DIAPH2: variants seen among roughly 807,000 people sequenced by gnomAD.
DIAPH2 encodes protein diaphanous homolog 2.
A neutral mutation model predicts 92.7 loss-of-function variants in DIAPH2; 35 were observed. The ratio of observed to expected loss-of-function variants is 0.38; its 90% CI spans 0.29 to 0.50. The LOEUF (loss-of-function observed/expected upper bound fraction) is 0.50. Ranked by LOEUF, DIAPH2 falls within the 20% of genes least tolerant of loss-of-function variation. The pLI is 0.94. For synonymous variants in DIAPH2, 301 were observed against 280.4 expected, an observed-to-expected ratio of 1.07 and a Z score of -0.73; for missense variants, 701 against 819.5, an observed-to-expected ratio of 0.86 and a Z score of 1.77.
chrX:97,024,142 T>C (rs183466467), intron 17 of DIAPH2, among the ~76,000 whole-genome samples: 7 of 112,486 alleles, frequency 6.2e-5, no homozygotes, highest in African/African-American at 2.3e-4. Flanking sequence ...ATATTGTTTC[T>C]TTAGATTATA....
intron 26 of DIAPH2, among the ~76,000 whole-genome samples, chrX:97,532,725 A>G (rs1216668797): frequency 8.9e-6 from 1 of 112,583 alleles, no homozygotes; most frequent in Admixed American, 9.4e-5. Flanking sequence ...TAATATGGAA[A>G]CAATCTTAAA....
chrX:97,322,179 C>T (rs747963696), intron 23 of DIAPH2, among the ~76,000 whole-genome samples: 1 of 111,724 alleles, frequency 9.0e-6, no homozygotes, highest in Non-Finnish European at 1.9e-5. Context: ...CTTTGCAGAC[C>T]CCTTTGAAGA....
At chrX:97,060,734 A>G (rs1334494257) in intron 17 of DIAPH2, among the ~76,000 whole-genome samples, 2 of 112,274 alleles carry the variant, frequency 1.8e-5, no homozygotes, top group African/African-American at 6.5e-5. Flanking sequence ...GACTAGTCTT[A>G]TGTTTTTGTT....
chrX:96,946,395 C>T (rs2065738557), intron 14 of DIAPH2, among the ~76,000 whole-genome samples: 1 of 111,724 alleles, frequency 9.0e-6, no homozygotes, highest in Admixed American at 9.5e-5. Flanking sequence ...AGTTTTCAGC[C>T]TTCTCTCAGC....
At chrX:97,584,467 A>T (rs1408570634) in intron 26 of DIAPH2, among the ~76,000 whole-genome samples, 1 of 112,532 alleles carries the variant, frequency 8.9e-6, no homozygotes, top group South Asian at 3.6e-4. Context: ...TGTTCACTTA[A>T]TGTGCCTACT....
At chrX:97,593,919 A>T (rs2071534095) in intron 26 of DIAPH2, among the ~76,000 whole-genome samples, 1 of 111,644 alleles carries the variant, frequency 9.0e-6, no homozygotes, top group South Asian at 3.7e-4. Context: ...CACTTTTTAT[A>T]TTAGCACATT....
At position 97,348,104 on chromosome X, in the gene DIAPH2, AC is replaced by A. The variant is rs2069175071; in HGVS notation, c.2845-11del. ...AGGTACTGTTGAGCCATGTTCCTTA[AC>A]AAAAAGCTACAGCTTTACAAAGACT... is the stretch of plus-strand genomic sequence containing the variant. On this transcript the variant is annotated splice_polypyrimidine_tract_variant and intron_variant, in intron 23 of 26. Transcript: ENST00000324765. 1 of 1,208,201 alleles carries A rather than the reference AC, an allele frequency of 8.3e-7. No homozygotes were observed. Among genetic ancestry groups the A allele is most frequent in the African/African-American group, 1.7e-5 (1 of 57,170 alleles).
intron 23 of DIAPH2, among the ~76,000 whole-genome samples, chrX:97,265,127 T>C (rs1302616234): frequency 8.9e-6 from 1 of 112,036 alleles, no homozygotes; most frequent in Non-Finnish European, 1.9e-5. Context: ...GAGTAAGAAT[T>C]TCAAAGCTAG....
intron 26 of DIAPH2, among the ~76,000 whole-genome samples, chrX:97,470,910 C>T (rs1569405899): frequency 1.8e-5 from 2 of 111,030 alleles, no homozygotes; most frequent in Non-Finnish European, 1.9e-5. Flanking sequence ...TAGAGAAGCC[C>T]GAATGACATA....
At chrX:97,300,634 A>C (rs1203830531) in intron 23 of DIAPH2, among the ~76,000 whole-genome samples, 155 of 92,228 alleles carry the variant, frequency 1.7e-3, no homozygotes, top group African/African-American at 5.8e-3. Flanking sequence ...AAAAAAAAAA[A>C]CAAGAAGAAT....
At chrX:96,903,123 C>T (rs1185213200) in intron 5 of DIAPH2, among the ~76,000 whole-genome samples, 1 of 60,862 alleles carries the variant, frequency 1.6e-5, no homozygotes, top group Admixed American at 2.2e-4. Flanking sequence ...CTCCTTACCC[C>T]TGTTACTGTG....
Position 97,559,351 on chromosome X carries a change from G to A in DIAPH2, c.3242-39902G>A, listed in dbSNP as rs770489515. Reference sequence around the variant, plus strand: ...CTAAAAACACAAAAATTAGCTGGGCGTGGTGGTGCGCGCCTGTAGACCCAG... The same window carrying A: ...CTAAAAACACAAAAATTAGCTGGGCATGGTGGTGCGCGCCTGTAGACCCAG... On this transcript the variant is annotated intron_variant, in intron 26 of 26. Coordinates refer to ENST00000324765, the MANE Select transcript of DIAPH2 (RefSeq NM_006729.5). 9.0e-5 allele frequency among the ~76,000 whole-genome samples: 10 copies of A among 110,601 alleles called. No individual in the cohort carries two copies. The South Asian group carries it at 2.4e-3, about 26-fold the overall frequency.
chrX:97,090,298 CTTTTTTTTTTTTTTTTT>C (rs760073834), intron 19 of DIAPH2, among the ~76,000 whole-genome samples: 72 of 38,868 alleles, frequency 1.9e-3, no homozygotes, highest in African/African-American at 6.1e-3. Flanking sequence ...TCTCTGATCC[CTTTTTTTTTTTTTTTTT>C]TTTTTTTTTT....
chrX:96,768,949 C>T (rs891019533), intron 4 of DIAPH2, among the ~76,000 whole-genome samples: 2 of 111,369 alleles, frequency 1.8e-5, no homozygotes, highest in East Asian at 2.8e-4. Flanking sequence ...GGGTTTGAGC[C>T]GTGGAACGAC....
At chrX:96,908,388 T>A (rs182519006) in intron 5 of DIAPH2, among the ~76,000 whole-genome samples, 1 of 110,866 alleles carries the variant, frequency 9.0e-6, no homozygotes, top group Non-Finnish European at 1.9e-5. Flanking sequence ...GTAAGGTCCA[T>A]GAGAAATGTC....
At chrX:96,869,038 G>T (rs1298596269) in intron 4 of DIAPH2, among the ~76,000 whole-genome samples, 2 of 111,885 alleles carry the variant, frequency 1.8e-5, no homozygotes. Flanking sequence ...GGATCATCTA[G>T]CTCAGTGGGT....
chrX:97,132,137 T>C (rs1403945433), intron 21 of DIAPH2, among the ~76,000 whole-genome samples: 1 of 112,221 alleles, frequency 8.9e-6, no homozygotes, highest in Non-Finnish European at 1.9e-5. Context: ...CTTTCACAGA[T>C]TGCTACCATA....
rs1002054346 is a variant in DIAPH2 at position 97,525,409 on chromosome X, C to T, written c.3242-73844C>T. ...TTAAAACTCAATTCGGCCCCATCAC[C>T]GGGGGGCTATGAATATACTTTCTCA... On this transcript the variant is annotated intron_variant, in intron 26 of 26. Coordinates refer to ENST00000324765, the MANE Select transcript of DIAPH2 (RefSeq NM_006729.5). Among the ~76,000 whole-genome samples the T allele has an allele frequency of 8.9e-5, 10 of 112,214 alleles. No homozygotes were observed. The East Asian group carries it at 1.1e-3, about 13-fold the overall frequency.
At chrX:97,281,605 G>T (rs1010835539) in intron 23 of DIAPH2, among the ~76,000 whole-genome samples, 1 of 109,844 alleles carries the variant, frequency 9.1e-6, no homozygotes, top group Non-Finnish European at 1.9e-5. Context: ...TTAGCCGGGC[G>T]TGGCAACGGC....
Sources: allele counts gnomAD v4.1 joint callset (sites outside exome capture counted in the v4.1 genomes callset), GRCh38; gene constraint gnomAD v4.1.1; transcripts MANE v1.5; gene names NCBI Gene and HGNC (gene_info 2026-07-23, HGNC 2026-07-21).